The following HDX variants were observed in gnomAD, a reference collection of about 807,000 sequenced individuals.
HDX encodes chromosome X open reading frame 43.
HDX carries 19 observed loss-of-function variants against 45.2 expected under a neutral mutation model. That is an observed-to-expected ratio of 0.42 (90% confidence interval 0.29 to 0.62). The LOEUF (loss-of-function observed/expected upper bound fraction) is 0.62. Among genes scored for constraint, HDX ranks in the 20% least tolerant of loss-of-function variants. The pLI, the probability that HDX is intolerant of heterozygous loss-of-function variation, is 0.20. For synonymous variants in HDX, 188 were observed against 172.8 expected (o/e 1.09, Z -0.69); for missense variants, 532 against 493.9 (o/e 1.08, Z -0.73).
chrX:84,412,033 C>T (rs987858395), intron 5 of HDX, among the ~76,000 whole-genome samples: 9 of 111,355 alleles, frequency 8.1e-5, no homozygotes, highest in African/African-American at 2.9e-4. Flanking sequence ...TTATCCATCC[C>T]TTTTCTTTGA....
At chrX:84,488,234 A>C (rs1302769771) in intron 1 of HDX, 102 bp from the exon 2 acceptor site, 1 of 110,132 alleles carries the variant, frequency 9.1e-6, no homozygotes, top group Non-Finnish European at 1.9e-5. Context: ...ACTAAACTTT[A>C]AGGAACTTTA....
intron 5 of HDX, among the ~76,000 whole-genome samples, chrX:84,420,282 G>A (rs908559212): frequency 5.4e-5 from 6 of 111,929 alleles, no homozygotes; most frequent in African/African-American, 1.9e-4. Context: ...TCTATCAGAT[G>A]ATTGAAATAA....
intron 5 of HDX, among the ~76,000 whole-genome samples, chrX:84,379,754 T>A (rs2038144740): frequency 9.1e-6 from 1 of 110,487 alleles, no homozygotes; most frequent in Admixed American, 9.7e-5. Context: ...TGGCTATAAT[T>A]GCCTATCTCA....
At chrX:84,406,093 C>T (rs1324041424) in intron 5 of HDX, among the ~76,000 whole-genome samples, 1 of 110,615 alleles carries the variant, frequency 9.0e-6, no homozygotes. Context: ...CCCTTTTAAA[C>T]GTACTGTCCA....
intron 6 of HDX, among the ~76,000 whole-genome samples, chrX:84,355,521 G>C (rs1331801866): frequency 9.0e-6 from 1 of 111,284 alleles, no homozygotes; most frequent in African/African-American, 3.3e-5. Context: ...AAAAGTTCTG[G>C]CACATACATA....
chrX:84,411,549 A>G (rs1286293793), intron 5 of HDX, among the ~76,000 whole-genome samples: 1 of 111,263 alleles, frequency 9.0e-6, no homozygotes, highest in African/African-American at 3.3e-5. Flanking sequence ...TGATTTTGAT[A>G]ATTTTGAATT....
At chrX:84,430,773 A>G (rs183633051) in intron 5 of HDX, among the ~76,000 whole-genome samples, 25 of 110,360 alleles carry the variant, frequency 2.3e-4, no homozygotes. Context: ...CCTCATGATT[A>G]GTAATGTTGA....
intron 10 of HDX, among the ~76,000 whole-genome samples, 191 bp downstream of exon 10, chrX:84,325,987 A>G (rs762277164): frequency 8.9e-6 from 1 of 111,897 alleles, no homozygotes; most frequent in Admixed American, 9.5e-5. Flanking sequence ...TTGATTTTCC[A>G]CTGAAGGAGC....
chrX:84,450,894 A>G, intron 4 of HDX, among the ~76,000 whole-genome samples: 1 of 111,925 alleles, frequency 8.9e-6, no homozygotes, highest in East Asian at 2.8e-4. Context: ...AACAGGAGGA[A>G]CTTTGGAAAA....
At chrX:84,432,105 G>C (rs1344405997) in intron 5 of HDX, among the ~76,000 whole-genome samples, 2 of 110,522 alleles carry the variant, frequency 1.8e-5, no homozygotes, top group Non-Finnish European at 3.8e-5. Context: ...TTTTTCTCAT[G>C]GCTTGTTTTT....
At chrX:84,464,287 G>A (rs2040298233) in intron 4 of HDX, among the ~76,000 whole-genome samples, 1 of 111,333 alleles carries the variant, frequency 9.0e-6, no homozygotes. Flanking sequence ...TCCCCATCAA[G>A]CAACTATCCA....
chrX:84,374,792 T>C (rs2038000108), intron 5 of HDX, among the ~76,000 whole-genome samples: 1 of 103,808 alleles, frequency 9.6e-6, no homozygotes, highest in Admixed American at 1.1e-4. Context: ...ATAAAAACCC[T>C]AGAAGAAAAC....
At chrX:84,378,860 C>T (rs945673682) in intron 5 of HDX, among the ~76,000 whole-genome samples, 1 of 110,950 alleles carries the variant, frequency 9.0e-6, no homozygotes, top group African/African-American at 3.3e-5. Flanking sequence ...ACATAGATGA[C>T]TGAATGGATG....
At chrX:84,403,427 T>C (rs2038750398) in intron 5 of HDX, among the ~76,000 whole-genome samples, 1 of 111,715 alleles carries the variant, frequency 9.0e-6, no homozygotes, top group African/African-American at 3.2e-5. Flanking sequence ...CACAAAAAGT[T>C]AAAAATCTAT....
chrX:84,460,522 A>C (rs1306764411), intron 4 of HDX, among the ~76,000 whole-genome samples: 1 of 111,684 alleles, frequency 9.0e-6, no homozygotes, highest in African/African-American at 3.3e-5. Context: ...ATGATTCTCA[A>C]AAACTGGGTA....
chrX:84,432,788 C>T (rs1390176344), intron 5 of HDX, among the ~76,000 whole-genome samples: 4 of 111,095 alleles, frequency 3.6e-5, no homozygotes, highest in African/African-American at 1.3e-4. Flanking sequence ...GTTTGACTTT[C>T]TCTCTTCCTA....
intron 4 of HDX, among the ~76,000 whole-genome samples, chrX:84,444,485 A>C (rs139693244): frequency 0.092 from 10,135 of 110,517 alleles, 472 homozygotes; most frequent in South Asian, 0.28. Context: ...GAGAAATATA[A>C]GGCACACTAC....
At chrX:84,434,345 A>G (rs1274255849) in intron 5 of HDX, among the ~76,000 whole-genome samples, 1 of 111,116 alleles carries the variant, frequency 9.0e-6, no homozygotes, top group Non-Finnish European at 1.9e-5. Context: ...TGTTGTGTTG[A>G]AGTATTTTCT....
chrX:84,414,888 G>C (rs1255702750), intron 5 of HDX, among the ~76,000 whole-genome samples: 1 of 111,761 alleles, frequency 8.9e-6, no homozygotes, highest in Non-Finnish European at 1.9e-5. Flanking sequence ...TAACTACAAA[G>C]TACAATAAAT....
Sources: gnomAD v4.1 joint callset for allele counts (sites outside exome capture counted in the v4.1 genomes callset) on GRCh38, gnomAD v4.1.1 for gene constraint, MANE v1.5 for transcripts, NCBI Gene and HGNC (gene_info 2026-07-23, HGNC 2026-07-21) for gene names.